Variants in MAPK8IP3 observed in about 807,000 individuals in gnomAD.
The protein encoded by MAPK8IP3 is mitogen-activated protein kinase 8 interacting protein 3, also known as C-Jun-amino-terminal kinase-interacting protein 3.
A neutral mutation model predicts 157.8 loss-of-function variants in MAPK8IP3; 49 were observed. The observed-to-expected ratio is 0.31, with a 90% CI of 0.25 to 0.39. The LOEUF (loss-of-function observed/expected upper bound fraction) is 0.39, where lower values mean the gene tolerates loss of function less well. Among genes scored for constraint, MAPK8IP3 ranks in the 10% least tolerant of loss-of-function variants. The probability of loss-of-function intolerance (pLI) is 1.00; values close to 1 mark genes in which losing one functional copy is unlikely to be tolerated. For synonymous variants in MAPK8IP3, 897 were observed against 777.7 expected (o/e 1.15, Z -2.55); for missense variants, 1,478 against 1,889.4 (o/e 0.78, Z 4.04).
chr16:1,738,257 AGCG>A (rs2040216979), intron 4 of MAPK8IP3, among the ~76,000 whole-genome samples: 1 of 58,472 alleles, frequency 1.7e-5, no homozygotes, highest in Admixed American at 2.4e-4. Context: ...CATCCGTGTG[AGCG>A]TGTGACCGTC....
chr16:1,739,505 AGT>A (rs1296143755), intron 4 of MAPK8IP3, among the ~76,000 whole-genome samples: 13 of 53,488 alleles, frequency 2.4e-4, no homozygotes, highest in South Asian at 2.1e-3. Context: ...CGTTCGTGTG[AGT>A]GTGTGACCGT....
In MAPK8IP3 at chr16:1,764,198, C is replaced by T; in HGVS notation, c.2109C>T (p.Asp703=). 1 of 1,611,258 alleles carries T rather than the reference C, an allele frequency of 6.2e-7. No individual in the cohort carries two copies. The highest frequency in any genetic ancestry group is 1.3e-5 in the African/African-American group (1 of 75,034). Residue 703 remains aspartate, a synonymous_variant, in exon 18 of 32, where the codon GAC becomes GAT. Coordinates refer to ENST00000610761, the MANE Select transcript of MAPK8IP3 (RefSeq NM_001318852.2). ...PVYCRPLVEK[D]PTMKLWCAAG... ...ACTGCCGCCCTCTGGTGGAGAAGGACCCCACCATGAAGGTGAGCCCGCGAG... is the reference window on the plus strand; with the variant it reads ...ACTGCCGCCCTCTGGTGGAGAAGGATCCCACCATGAAGGTGAGCCCGCGAG...
At chr16:1,729,682 C>T (rs1009616382) in intron 4 of MAPK8IP3, 104 bp downstream of exon 4, 9 of 1,103,148 alleles carry the variant, frequency 8.2e-6, no homozygotes, top group Admixed American at 4.2e-5. Context: ...GGCCCGCGCT[C>T]TGGGCTCAGG....
intron 9 of MAPK8IP3, among the ~76,000 whole-genome samples, chr16:1,758,551 G>A (rs1031098361): frequency 2.6e-5 from 4 of 152,168 alleles, no homozygotes; most frequent in African/African-American, 4.8e-5. Flanking sequence ...CCCTCCCCAC[G>A]TGGGTGGACA....
At chr16:1,717,422 C>T (rs996515562) in intron 1 of MAPK8IP3, among the ~76,000 whole-genome samples, 18 of 152,166 alleles carry the variant, frequency 1.2e-4, no homozygotes, top group African/African-American at 4.1e-4. Context: ...TGTTTCGTGT[C>T]TCGACTGAGG....
At chr16:1,709,706 C>T (rs1234649411) in intron 1 of MAPK8IP3, among the ~76,000 whole-genome samples, 1 of 152,262 alleles carries the variant, frequency 6.6e-6, no homozygotes, top group African/African-American at 2.4e-5. Context: ...TGCCTCCACA[C>T]GCACCGTCCG....
chr16:1,763,696 G>T lies in MAPK8IP3; in HGVS notation c.1938G>T (p.Glu646Asp). Residue 646 changes from glutamate (E) to aspartate (D), a missense_variant, in exon 17 of 32, where the codon GAG (glutamate) becomes GAT (aspartate). By Grantham distance (45) the Glu-to-Asp change is conservative. This residue lies in a region of MAPK8IP3 where 669 missense variants were observed against 759.8 expected (regional missense o/e 0.88). Coordinates refer to ENST00000610761, the MANE Select transcript of MAPK8IP3 (RefSeq NM_001318852.2). ...CCGCCCGTCGAGAGCAGAAGCGCGA[G>T]CAGTACCGCCAGGTGCGTGAGCACG... ...TSSARREQKR[E>D]QYRQVREHVR... 2 of 1,595,134 alleles carry T rather than the reference G, an allele frequency of 1.3e-6. No homozygotes were observed. Among genetic ancestry groups the T allele is most frequent in the Non-Finnish European group, 1.7e-6 (2 of 1,169,632 alleles).
At position 1,742,380 on chromosome 16, in the gene MAPK8IP3, C is replaced by G. The variant is rs554194980; in HGVS notation, c.603-952C>G. Among the ~76,000 whole-genome samples the G allele has an allele frequency of 9.8e-5, 15 of 152,314 alleles. No individual in the cohort carries two copies. The highest frequency in any genetic ancestry group is 3.4e-4 in the African/African-American group (14 of 41,564). The stretch of plus-strand genomic sequence containing the variant: ...TCCAGCTCCCAGGCGCTCCCACTGT[C>G]TTGCCAGGCTGTCCGAGGCCAGGCT... On this transcript the variant is annotated intron_variant, in intron 4 of 31. Transcript: ENST00000610761. This position sits in a 1 kb window ranked among gnomAD's most constrained non-coding sequence, Gnocchi z 5.0.
At chr16:1,744,581 C>T (rs1447298607) in intron 5 of MAPK8IP3, 2 of 985,570 alleles carry the variant, frequency 2.0e-6, no homozygotes, top group Non-Finnish European at 2.4e-6. Flanking sequence ...CACCTGGGCC[C>T]ACCTCCTCTC....
chr16:1,744,343 C>T (rs936160959), intron 5 of MAPK8IP3: 1 of 985,864 alleles, frequency 1.0e-6, no homozygotes, highest in Admixed American at 6.1e-5. Context: ...TCTCCAGAAG[C>T]TTACTTCCTG....
At chr16:1,762,516 GA>G in intron 14 of MAPK8IP3, 35 bp downstream of exon 14, 1 of 1,610,152 alleles carries the variant, frequency 6.2e-7, no homozygotes, top group South Asian at 1.1e-5. Flanking sequence ...GGGGCTGCGG[GA>G]TCATCCCTGA....
chr16:1,766,541 A>G lies in MAPK8IP3; in HGVS notation c.2832A>G (p.Pro944=). The G allele has an allele frequency of 6.2e-7, 1 of 1,611,940 alleles. No individual in the cohort carries two copies. The highest frequency in any genetic ancestry group is 8.5e-7 in the Non-Finnish European group (1 of 1,179,846). ...GTTCTTCCTGCAGCGAGAACGGGCCAGAGCCTGACAGCAGCAGCACACGGC... is the reference window on the plus strand; with the variant it reads ...GTTCTTCCTGCAGCGAGAACGGGCCGGAGCCTGACAGCAGCAGCACACGGC... ...SGPQPGSENG[P]EPDSSSTRPE... Residue 944 remains proline (P), a synonymous_variant, in exon 23 of 32, where the codon CCA becomes CCG. Coordinates refer to ENST00000610761, the MANE Select transcript of MAPK8IP3 (RefSeq NM_001318852.2).
At chr16:1,715,415 C>CT (rs550835537) in intron 1 of MAPK8IP3, among the ~76,000 whole-genome samples, 17 of 152,316 alleles carry the variant, frequency 1.1e-4, no homozygotes, top group African/African-American at 3.6e-4. Flanking sequence ...AGAGCTCTGA[C>CT]TGCCCCCTGC....
intron 22 of MAPK8IP3, 60 bp downstream of exon 22, chr16:1,766,469 G>A (rs569882448): frequency 2.2e-5 from 35 of 1,602,062 alleles, no homozygotes; most frequent in East Asian, 1.3e-4. Context: ...GAAGGGCCTC[G>A]GGGTCTTGGG....
At chr16:1,739,206 G>GCATGTGTGAC (rs2040407977) in intron 4 of MAPK8IP3, among the ~76,000 whole-genome samples, 1 of 132,896 alleles carries the variant, frequency 7.5e-6, no homozygotes, top group African/African-American at 2.9e-5. Flanking sequence ...GTCCGTGTGA[G>GCATGTGTGAC]CGTCCGTGTG....
chr16:1,725,322 C>G (rs184340935), intron 2 of MAPK8IP3, among the ~76,000 whole-genome samples: 148 of 150,642 alleles, frequency 9.8e-4, no homozygotes, highest in Non-Finnish European at 2.0e-3. Context: ...ACACAGAGAC[C>G]TCATCTCTTA....
intron 4 of MAPK8IP3, among the ~76,000 whole-genome samples, chr16:1,731,221 C>T (rs1464809110): frequency 6.6e-6 from 1 of 151,952 alleles, no homozygotes; most frequent in African/African-American, 2.4e-5. Context: ...CCCAGCTACT[C>T]TGGAGGCTGA....
In MAPK8IP3 at chr16:1,769,517, C is replaced by T. The variant is rs536078018; in HGVS notation, c.*693C>T. ...ACCCCATCCTGCCCATGCAGGCAGG[C>T]TCTTGCCAGCCCCGTTCTGACCCGT... On this transcript the variant is annotated 3_prime_UTR_variant, in exon 32 of 32. Transcript: ENST00000610761. 2 of 152,988 alleles carry T rather than the reference C, an allele frequency of 1.3e-5. No individual in the cohort carries two copies. Among genetic ancestry groups the T allele is most frequent in the South Asian group, 2.1e-4 (1 of 4,846 alleles). The allele number at this position is 152,988 out of a possible 1,614,324, so 9.5% of individuals were successfully genotyped here. A position where few individuals can be genotyped will look rare whatever the true frequency, so the allele number is the denominator to read the frequency against.
At position 1,706,557 on chromosome 16, in the gene MAPK8IP3, A is replaced by G; in HGVS notation, c.218A>G (p.Asn73Ser). Residue 73 changes from asparagine (N) to serine (S), a missense_variant, in exon 1 of 32, where the codon AAC (asparagine) becomes AGC (serine). Physicochemically the swap from Asn to Ser is conservative, Grantham distance 46. This residue lies in a region of MAPK8IP3 where 65 missense variants were observed against 161.8 expected (regional missense o/e 0.40). Transcript: ENST00000610761. This position sits in a 1 kb window ranked among gnomAD's most constrained non-coding sequence, Gnocchi z 5.1. ...AACCTAGACTCGGTGCTCAGCGAGA[A>G]CCAGGAGCACGAGGTGGAGCTGGAG... ...LENLDSVLSE[N>S]QEHEVELELL... 6.2e-7 allele frequency: 1 copy of G among 1,613,390 alleles called. No individual in the cohort carries two copies. Among genetic ancestry groups the G allele is most frequent in the Admixed American group, 1.7e-5 (1 of 59,922 alleles).
Sources: gnomAD v4.1 joint callset for allele counts (sites outside exome capture counted in the v4.1 genomes callset) on GRCh38, gnomAD v4.1.1 for gene constraint, gnomAD v4.1.1 regional missense constraint, Gnocchi (gnomAD v3.1) non-coding constraint, MANE v1.5 for transcripts, NCBI Gene and HGNC (gene_info 2026-07-23, HGNC 2026-07-21) for gene names.